The following PARP8 variants were observed in gnomAD, a reference collection of about 807,000 sequenced individuals.
PARP8 encodes the protein protein mono-ADP-ribosyltransferase PARP8.
A neutral mutation model predicts 124.1 loss-of-function variants in PARP8; 51 were observed. The observed-to-expected ratio is 0.41, with a 90% CI of 0.33 to 0.52. The LOEUF (loss-of-function observed/expected upper bound fraction) is 0.52, where lower values mean the gene tolerates loss of function less well. PARP8 is among the 20% of genes least tolerant of loss of function. The pLI, the probability that PARP8 is intolerant of heterozygous loss-of-function variation, is 0.21. For synonymous variants in PARP8, 391 were observed against 361.5 expected (o/e 1.08, Z -0.93); for missense variants, 860 against 1,018.9 (o/e 0.84, Z 2.12).
chr5:50,757,153 G>A (rs771269331), intron 3 of PARP8: 2 of 455,868 alleles, frequency 4.4e-6, no homozygotes, highest in South Asian at 3.1e-5. Flanking sequence ...ACATGGTGGT[G>A]GAGATATTGC....
chr5:50,753,147 G>A (rs1680019620), intron 3 of PARP8, among the ~76,000 whole-genome samples: 1 of 151,800 alleles, frequency 6.6e-6, no homozygotes, highest in Non-Finnish European at 1.5e-5. Context: ...TAATGTCAGA[G>A]AATGAATTAC....
intron 25 of PARP8, among the ~76,000 whole-genome samples, chr5:50,840,522 G>A (rs1217498157): frequency 6.6e-6 from 1 of 151,784 alleles, no homozygotes; most frequent in African/African-American, 2.4e-5. Flanking sequence ...AAAAATAAGG[G>A]CTTTGAATAT....
chr5:50,775,203 G>A (rs1192103570), intron 7 of PARP8, among the ~76,000 whole-genome samples: 1 of 152,210 alleles, frequency 6.6e-6, no homozygotes, highest in Non-Finnish European at 1.5e-5. Flanking sequence ...AGGCCAAGCA[G>A]GTGGCTGGGA....
At chr5:50,741,671 A>T (rs772375883) in intron 2 of PARP8, among the ~76,000 whole-genome samples, 32 of 152,200 alleles carry the variant, frequency 2.1e-4, no homozygotes, top group Admixed American at 6.5e-4. Context: ...AATTACCAAA[A>T]TAAGTTTTGA....
At chr5:50,738,906 C>T (rs766407400) in intron 2 of PARP8, 115 of 688,066 alleles carry the variant, frequency 1.7e-4, no homozygotes, top group Middle Eastern at 7.0e-4. Flanking sequence ...GATAATGAGA[C>T]GTAGGCTTAG....
intron 7 of PARP8, among the ~76,000 whole-genome samples, chr5:50,773,596 C>T (rs981119906): frequency 1.3e-5 from 2 of 152,138 alleles, no homozygotes; most frequent in African/African-American, 4.8e-5. Flanking sequence ...AGTTTGATGT[C>T]TCCAGCTTTG....
chr5:50,766,934 G>A (rs951349357), intron 7 of PARP8, among the ~76,000 whole-genome samples: 2 of 152,156 alleles, frequency 1.3e-5, no homozygotes, highest in Admixed American at 1.3e-4. Context: ...CTGGATTTCT[G>A]AATTCTCATT....
At chr5:50,692,393 A>G (rs371747430) in intron 2 of PARP8, among the ~76,000 whole-genome samples, 11 of 152,258 alleles carry the variant, frequency 7.2e-5, no homozygotes, top group African/African-American at 2.6e-4. Flanking sequence ...TCTAGGAGCT[A>G]TCATAGCCCC....
intron 23 of PARP8, chr5:50,833,428 T>C (rs1403486572): frequency 4.4e-6 from 2 of 454,262 alleles, no homozygotes; most frequent in Non-Finnish European, 8.8e-6. Flanking sequence ...AGAAAACAAG[T>C]ATATTCTGGG....
intron 2 of PARP8, among the ~76,000 whole-genome samples, chr5:50,744,580 A>T (rs1272857518): frequency 6.6e-6 from 1 of 152,232 alleles, no homozygotes; most frequent in Non-Finnish European, 1.5e-5. Context: ...TCTGGTTTCA[A>T]AGTTGTGACT....
chr5:50,709,955 TAC>T (rs1554047144), intron 2 of PARP8, among the ~76,000 whole-genome samples: 4 of 103,324 alleles, frequency 3.9e-5, no homozygotes, highest in Non-Finnish European at 6.0e-5. Flanking sequence ...TATATATATA[TAC>T]ACATACATAT....
At chr5:50,763,850 G>T (rs1453612693) in intron 7 of PARP8, among the ~76,000 whole-genome samples, 1 of 152,084 alleles carries the variant, frequency 6.6e-6, no homozygotes, top group East Asian at 1.9e-4. Context: ...GTCAGCTCTG[G>T]TTATTTCAGA....
intron 2 of PARP8, among the ~76,000 whole-genome samples, chr5:50,723,175 T>C (rs1362984420): frequency 6.6e-6 from 1 of 152,158 alleles, no homozygotes; most frequent in Admixed American, 6.6e-5. Flanking sequence ...ATGACTTGAA[T>C]GATAAATTTT....
chr5:50,689,817 C>T (rs564295369), intron 2 of PARP8, among the ~76,000 whole-genome samples: 2 of 152,256 alleles, frequency 1.3e-5, no homozygotes, highest in South Asian at 4.1e-4. Flanking sequence ...CTAAATGAGG[C>T]ATAGGTCCCA....
Position 50,738,599 on chromosome 5 carries a change from A to G in PARP8, c.147-11552A>G, listed in dbSNP as rs374992176. Among the ~76,000 whole-genome samples the G allele has an allele frequency of 7.9e-5, 12 of 152,236 alleles. No individual in the cohort carries two copies. In the South Asian group the frequency reaches 2.5e-3, roughly 32 times the overall value. On this transcript the variant is annotated intron_variant, in intron 2 of 25. Coordinates refer to ENST00000281631, the MANE Select transcript of PARP8 (RefSeq NM_024615.4). The stretch of plus-strand genomic sequence containing the variant: ...ATGATTTCAGTTGTAAGAAACAAAA[A>G]TATTTGTTTTGGCTTAAACCAATGG...
chr5:50,837,041 C>T (rs1747656886), intron 25 of PARP8, among the ~76,000 whole-genome samples: 1 of 152,116 alleles, frequency 6.6e-6, no homozygotes, highest in Non-Finnish European at 1.5e-5. Flanking sequence ...ATAAATTATA[C>T]ATAAAGCCTA....
chr5:50,753,873 C>A (rs539128694), intron 3 of PARP8, among the ~76,000 whole-genome samples: 90 of 151,598 alleles, frequency 5.9e-4, no homozygotes, highest in African/African-American at 2.2e-3. Flanking sequence ...TACTTTTGCA[C>A]AGTTCTATTC....
rs542299100 is a variant in PARP8, at chr5:50,675,667, A to G, written c.146+7542A>G. 2.0e-5 allele frequency among the ~76,000 whole-genome samples: 3 copies of G among 152,370 alleles called. No individual in the cohort carries two copies. The East Asian group carries it at 5.8e-4, about 29-fold the overall frequency. On this transcript the variant is annotated intron_variant, in intron 2 of 25. Coordinates refer to ENST00000281631, the MANE Select transcript of PARP8 (RefSeq NM_024615.4). The stretch of plus-strand genomic sequence containing the variant: ...TTGTTATTATCCAAGAATTGTTGAT[A>G]GAATATATACTGTATTTGAAGTGTA...
intron 2 of PARP8, among the ~76,000 whole-genome samples, chr5:50,743,100 A>G (rs949282430): frequency 6.6e-6 from 1 of 152,140 alleles, no homozygotes; most frequent in African/African-American, 2.4e-5. Flanking sequence ...TTCACTCCAA[A>G]TCAAGCTTCA....
Sources: allele counts gnomAD v4.1 joint callset (sites outside exome capture counted in the v4.1 genomes callset), GRCh38; gene constraint gnomAD v4.1.1; transcripts MANE v1.5; gene names NCBI Gene and HGNC (gene_info 2026-07-23, HGNC 2026-07-21).